EBF1: variants seen among roughly 807,000 people sequenced by gnomAD.
The protein encoded by EBF1 is transcription factor COE1.
In EBF1, 10 loss-of-function variants were observed where a neutral mutation model predicts 68.4. The ratio of observed to expected loss-of-function variants is 0.15; its 90% confidence interval spans 0.09 to 0.25. The LOEUF (loss-of-function observed/expected upper bound fraction) is 0.25, where lower values mean the gene tolerates loss of function less well. EBF1 is among the 10% of genes least tolerant of loss of function. EBF1 has a pLI of 1.00. For synonymous variants in EBF1, 298 were observed against 299.8 expected, an observed-to-expected ratio of 0.99 and a Z score of 0.06; for missense variants, 509 against 794.4, an observed-to-expected ratio of 0.64 and a Z score of 4.32.
intron 10 of EBF1, among the ~76,000 whole-genome samples, chr5:158,774,343 T>A (rs753606790): frequency 1.3e-5 from 2 of 152,112 alleles, no homozygotes; most frequent in African/African-American, 4.8e-5. Flanking sequence ...ATGCTGTTCC[T>A]GCCTTTTTTC....
At chr5:159,094,627 C>A (rs1336305224) in intron 4 of EBF1, among the ~76,000 whole-genome samples, 2 of 152,098 alleles carry the variant, frequency 1.3e-5, no homozygotes, top group Non-Finnish European at 2.9e-5. Context: ...AAAATCATTT[C>A]TCTTATTTTA....
intron 6 of EBF1, among the ~76,000 whole-genome samples, chr5:159,057,099 CTTTTCTTTTTTT>C (rs1469645530): frequency 2.2e-5 from 3 of 138,160 alleles, no homozygotes; most frequent in African/African-American, 7.9e-5. Context: ...CTTTTCTTTT[CTTTTCTTTTTTT>C]TTTTTTTTTT....
At chr5:158,844,347 T>C (rs1790982958) in intron 6 of EBF1, among the ~76,000 whole-genome samples, 1 of 152,084 alleles carries the variant, frequency 6.6e-6, no homozygotes, top group Admixed American at 6.5e-5. Context: ...CCTCACGGAA[T>C]TTCTATAAAT....
At chr5:159,056,756 A>G (rs1774822260) in intron 6 of EBF1, among the ~76,000 whole-genome samples, 1 of 152,176 alleles carries the variant, frequency 6.6e-6, no homozygotes, top group South Asian at 2.1e-4. Flanking sequence ...TAAAAGAAAA[A>G]TTTTATTAAG....
At chr5:158,977,106 C>A (rs760106299) in intron 6 of EBF1, among the ~76,000 whole-genome samples, 28 of 152,264 alleles carry the variant, frequency 1.8e-4, no homozygotes, top group Non-Finnish European at 3.4e-4. Context: ...TGGACAGCGA[C>A]TATCATGGAA....
intron 6 of EBF1, among the ~76,000 whole-genome samples, chr5:158,984,470 A>C (rs1758570577): frequency 6.6e-6 from 1 of 152,146 alleles, no homozygotes; most frequent in African/African-American, 2.4e-5. Flanking sequence ...GGACAATTCT[A>C]ATGGTACAAG....
At chr5:159,084,636 A>G (rs375507266) in intron 5 of EBF1, 30 bp downstream of exon 5, 2 of 1,513,508 alleles carry the variant, frequency 1.3e-6, no homozygotes, top group Non-Finnish European at 1.8e-6. Context: ...CTCTTTGCTA[A>G]TTAACGGGAG....
intron 8 of EBF1, among the ~76,000 whole-genome samples, chr5:158,818,951 G>C (rs1784294009): frequency 2.1e-5 from 3 of 145,494 alleles, no homozygotes; most frequent in Non-Finnish European, 4.5e-5. Flanking sequence ...AAAAAAACTA[G>C]ATCTAAAGAA....
At position 158,877,425 on chromosome 5, in the gene EBF1, C is replaced by G. The variant is rs148185234; in HGVS notation, c.555-37315G>C. Among the ~76,000 whole-genome samples, 710 of 151,920 alleles carry G rather than the reference C, an allele frequency of 4.7e-3. 7 individuals carry two copies. The highest frequency in any genetic ancestry group is 0.017 in the African/African-American group (684 of 41,394). ...ATGCTACATCTCGGCAAAAATTTCT[C>G]TCATACTTGTACCAGCGTCCCAGCC... On this transcript the variant is annotated intron_variant, in intron 6 of 15. Coordinates refer to ENST00000313708, the MANE Select transcript of EBF1 (RefSeq NM_024007.5).
At chr5:158,800,569 A>G (rs1780402254) in intron 8 of EBF1, among the ~76,000 whole-genome samples, 1 of 152,228 alleles carries the variant, frequency 6.6e-6, no homozygotes, top group East Asian at 1.9e-4. Context: ...TTTTTAGAGC[A>G]AAATTACATT....
intron 8 of EBF1, among the ~76,000 whole-genome samples, chr5:158,814,177 C>A (rs988635341): frequency 6.6e-6 from 1 of 152,114 alleles, no homozygotes; most frequent in Admixed American, 6.6e-5. Context: ...AACCCTGTCT[C>A]TACAAAATCA....
At chr5:158,714,466 C>T (rs950798777) in intron 11 of EBF1, among the ~76,000 whole-genome samples, 14 of 152,306 alleles carry the variant, frequency 9.2e-5, no homozygotes, top group African/African-American at 3.1e-4. Context: ...TTGCTGAATA[C>T]AATTCCTAGG....
intron 6 of EBF1, among the ~76,000 whole-genome samples, chr5:158,877,232 C>G (rs542562058): frequency 2.8e-4 from 43 of 152,242 alleles, no homozygotes; most frequent in Non-Finnish European, 5.1e-4. Context: ...GGACTCTTGC[C>G]CCTATTCTTT....
intron 6 of EBF1, among the ~76,000 whole-genome samples, chr5:158,867,196 A>G (rs1377867200): frequency 1.3e-5 from 2 of 152,082 alleles, no homozygotes; most frequent in Non-Finnish European, 2.9e-5. Context: ...CAATGAAAGG[A>G]GAGGGTTCAC....
chr5:158,860,082 T>C (rs2128027298), intron 6 of EBF1, among the ~76,000 whole-genome samples: 1 of 152,374 alleles, frequency 6.6e-6, no homozygotes, highest in Admixed American at 6.5e-5. Context: ...TCCACAGTAC[T>C]GCCAATAAAC....
intron 6 of EBF1, among the ~76,000 whole-genome samples, chr5:159,040,393 G>A (rs1422672): frequency 0.31 from 47,896 of 152,074 alleles, 7,810 homozygotes; most frequent in East Asian, 0.51. Context: ...GATTACAAGC[G>A]ACTCAAGAAA....
Position 158,906,914 on chromosome 5 carries a change from T to G in EBF1, c.555-66804A>C, listed in dbSNP as rs535022571. Among the ~76,000 whole-genome samples, 27 of 152,354 alleles carry G rather than the reference T, an allele frequency of 1.8e-4. No individual in the cohort carries two copies. The East Asian group carries it at 5.0e-3, about 28-fold the overall frequency. ...TAAGATGTACATATATGATGCTGAC[T>G]AATTTCAAATAGAAGTTGAGTTCAC... On this transcript the variant is annotated intron_variant, in intron 6 of 15. Transcript: ENST00000313708.
At chr5:158,948,675 C>T (rs1245412528) in intron 6 of EBF1, among the ~76,000 whole-genome samples, 4 of 152,174 alleles carry the variant, frequency 2.6e-5, no homozygotes, top group Non-Finnish European at 2.9e-5. Flanking sequence ...TGCGCTCTCC[C>T]AGAGCCAAAT....
chr5:158,925,190 TC>T (rs1809396764), intron 6 of EBF1, among the ~76,000 whole-genome samples: 2 of 152,264 alleles, frequency 1.3e-5, no homozygotes, highest in South Asian at 2.1e-4. Context: ...TCTAAAGTAA[TC>T]CCTATCGGTG....
Sources: gnomAD v4.1 joint callset for allele counts (sites outside exome capture counted in the v4.1 genomes callset) on GRCh38, gnomAD v4.1.1 for gene constraint, MANE v1.5 for transcripts, NCBI Gene and HGNC (gene_info 2026-07-23, HGNC 2026-07-21) for gene names.